Variants in CETN3 observed in about 807,000 individuals in gnomAD.
CETN3 encodes centrin 3.
CETN3 carries 17 observed loss-of-function variants against 20.1 expected under a neutral mutation model. That is an observed-to-expected ratio of 0.85 (90% CI 0.58 to 1.27). The LOEUF (loss-of-function observed/expected upper bound fraction) is 1.27. CETN3 is among the 50% of genes most tolerant of loss of function. CETN3 has a pLI of 0.00. For missense variants in CETN3, 169 were observed against 191.2 expected, an observed-to-expected ratio of 0.88 and a Z score of 0.69; for synonymous variants, 52 against 59.7, an observed-to-expected ratio of 0.87 and a Z score of 0.59.
Position 90,399,460 on chromosome 5 carries a change from A to T in CETN3, c.358T>A (p.Leu120Met). 6.2e-7 allele frequency: 1 copy of T among 1,613,980 alleles called. No homozygotes were observed. The highest frequency in any genetic ancestry group is 8.5e-7 in the Non-Finnish European group (1 of 1,179,920). ...CTAGCAACACGTCGCAAATTCCTCA[A>T]GCTTATTTTACCTGAATCATCATCA... ...FDDDDSGKIS[L>M]RNLRRVAREL... Residue 120 changes from leucine (L) to methionine (M), a missense_variant, in exon 4 of 5, where the codon TTG becomes ATG. Transcript: ENST00000283122.
intron 3 of CETN3, among the ~76,000 whole-genome samples, chr5:90,401,060 C>A (rs1354645663): frequency 6.6e-6 from 1 of 152,098 alleles, no homozygotes; most frequent in African/African-American, 2.4e-5. Flanking sequence ...AAGCAGCTTG[C>A]TGAAAGTATT....
At position 90,396,459 on chromosome 5, in the gene CETN3, T is replaced by G. The variant is rs1335972031; in HGVS notation, c.461-2352A>C. On this transcript the variant is annotated intron_variant, in intron 4 of 4. Coordinates refer to ENST00000283122, the MANE Select transcript of CETN3 (RefSeq NM_004365.4). ...CTTTCCAATAAATACAGTTCAAATATATAAAATTATTAATCAGTTTAGCCA... is the reference window on the plus strand; with the variant it reads ...CTTTCCAATAAATACAGTTCAAATAGATAAAATTATTAATCAGTTTAGCCA... 10 of 1,524,252 alleles carry G rather than the reference T, an allele frequency of 6.6e-6. No individual in the cohort carries two copies. In the African/African-American group the frequency reaches 1.4e-4, roughly 21 times the overall value. 94.4% of individuals were successfully genotyped at this position (1,524,252 alleles called of 1,614,324 possible).
intron 4 of CETN3, chr5:90,396,453 C>T (rs1181956759): frequency 2.6e-6 from 4 of 1,521,186 alleles, no homozygotes; most frequent in East Asian, 2.5e-5. Flanking sequence ...AAATACAGTT[C>T]AAATATATAA....
chr5:90,409,484 C>T (rs542067230), intron 1 of CETN3, among the ~76,000 whole-genome samples, 161 bp downstream of exon 1: 12 of 152,308 alleles, frequency 7.9e-5, no homozygotes, highest in African/African-American at 2.9e-4. Flanking sequence ...CATCAGAGCC[C>T]AGAGGGTGAG....
intron 1 of CETN3, among the ~76,000 whole-genome samples, chr5:90,409,279 G>A (rs1204320084): frequency 2.6e-5 from 4 of 152,188 alleles, no homozygotes; most frequent in African/African-American, 4.8e-5. Flanking sequence ...AGCAGCCGAG[G>A]TGGGGCCCTG....
At chr5:90,401,991 G>A (rs1026754975) in intron 3 of CETN3, among the ~76,000 whole-genome samples, 3 of 152,116 alleles carry the variant, frequency 2.0e-5, no homozygotes, top group Admixed American at 2.0e-4. Context: ...TGGGACTACA[G>A]GCATGTGCCA....
At chr5:90,401,485 T>C (rs929906055) in intron 3 of CETN3, among the ~76,000 whole-genome samples, 1 of 152,206 alleles carries the variant, frequency 6.6e-6, no homozygotes, top group Admixed American at 6.5e-5. Flanking sequence ...ACACATACTA[T>C]CAGAAATGTA....
rs570703997 is a variant in CETN3, at chr5:90,393,928, T to C, written c.*136A>G. The C allele has an allele frequency of 2.0e-5, 13 of 634,758 alleles. No individual in the cohort carries two copies. Among genetic ancestry groups the C allele is most frequent in the Admixed American group, 3.1e-5 (1 of 31,806 alleles). 39.3% of individuals were successfully genotyped at this position (634,758 alleles called of 1,614,324 possible). A position where few individuals can be genotyped will look rare whatever the true frequency, so the allele number is the denominator to read the frequency against. ...ACAAAGAAACTTAACAGTAGTAAAA[T>C]ACAGATATATAAGATGCTTATTTTT... On this transcript the variant is annotated 3_prime_UTR_variant, in exon 5 of 5. Transcript: ENST00000283122.
At chr5:90,401,148 C>T (rs1415490349) in intron 3 of CETN3, among the ~76,000 whole-genome samples, 1 of 152,096 alleles carries the variant, frequency 6.6e-6, no homozygotes, top group Non-Finnish European at 1.5e-5. Context: ...CCCACTGGTA[C>T]TTTAATTGTG....
intron 3 of CETN3, among the ~76,000 whole-genome samples, chr5:90,404,693 T>A (rs1028026354): frequency 3.9e-5 from 6 of 152,154 alleles, no homozygotes; most frequent in African/African-American, 1.4e-4. Flanking sequence ...ACTAATGACA[T>A]GAATCTAAAT....
Position 90,393,113 on chromosome 5 carries a change from C to G in CETN3, c.*951G>C, listed in dbSNP as rs1191326445. ...GATCTCCATAACCACTTGTTTCCCCCTAACATACACTTCTACAAGGCAGAA... is the reference window on the plus strand; with the variant it reads ...GATCTCCATAACCACTTGTTTCCCCGTAACATACACTTCTACAAGGCAGAA... On this transcript the variant is annotated 3_prime_UTR_variant, in exon 5 of 5. Coordinates refer to ENST00000283122, the MANE Select transcript of CETN3 (RefSeq NM_004365.4). 1.3e-5 allele frequency: 2 copies of G among 152,122 alleles called. No homozygotes were observed. Among genetic ancestry groups the G allele is most frequent in the African/African-American group, 4.8e-5 (2 of 41,410 alleles). The allele number at this position is 152,122 out of a possible 1,614,324, so 9.4% of individuals were successfully genotyped here. A position where few individuals can be genotyped will look rare whatever the true frequency, so the allele number is the denominator to read the frequency against.
At chr5:90,398,930 G>A (rs1749208160) in intron 4 of CETN3, 1 of 259,846 alleles carries the variant, frequency 3.8e-6, no homozygotes, top group Non-Finnish European at 7.4e-6. Flanking sequence ...ACTGCACCCA[G>A]TAGGCAGCCA....
At chr5:90,397,524 T>C (rs1310103096) in intron 4 of CETN3, among the ~76,000 whole-genome samples, 5 of 152,114 alleles carry the variant, frequency 3.3e-5, no homozygotes, top group Non-Finnish European at 7.4e-5. Context: ...ACTAAGTAGA[T>C]TAAGTACCTT....
At chr5:90,409,028 C>G (rs1207465545) in intron 1 of CETN3, among the ~76,000 whole-genome samples, 2 of 151,904 alleles carry the variant, frequency 1.3e-5, no homozygotes, top group African/African-American at 4.8e-5. Context: ...TTCGGAGTGT[C>G]GTAAGTGTAT....
At position 90,395,177 on chromosome 5, in the gene CETN3, T is replaced by C. The variant is rs186008947; in HGVS notation, c.461-1070A>G. Among the ~76,000 whole-genome samples the C allele has an allele frequency of 3.4e-4, 52 of 152,282 alleles. 1 individual carries two copies. In the East Asian group the frequency reaches 8.7e-3, roughly 25 times the overall value. ...CTTATTTACCATAGAAGGTATTATATGAAAATACTCCATTGAATCAAACAT... is the reference window on the plus strand; with the variant it reads ...CTTATTTACCATAGAAGGTATTATACGAAAATACTCCATTGAATCAAACAT... On this transcript the variant is annotated intron_variant, in intron 4 of 4. Transcript: ENST00000283122.
chr5:90,402,780 C>T (rs955532567), intron 3 of CETN3, among the ~76,000 whole-genome samples: 2 of 152,154 alleles, frequency 1.3e-5, no homozygotes, highest in Non-Finnish European at 2.9e-5. Flanking sequence ...GACTTCTGTC[C>T]TAGACAAAAT....
intron 1 of CETN3, 75 bp downstream of exon 1, chr5:90,409,560 GCCCCAAACGT>G: frequency 6.6e-7 from 1 of 1,518,840 alleles, no homozygotes; most frequent in Non-Finnish European, 9.1e-7. Flanking sequence ...CCTCGCCTCG[GCCCCAAACGT>G]CCTCCCTTCC....
At chr5:90,406,889 G>C (rs1024755397) in intron 2 of CETN3, among the ~76,000 whole-genome samples, 1 of 149,778 alleles carries the variant, frequency 6.7e-6, no homozygotes, top group African/African-American at 2.5e-5. Flanking sequence ...AGCCAAAGAG[G>C]ACTGCAAGAT....
Position 90,392,506 on chromosome 5 carries a change from TG to T in CETN3, c.*1557del, listed in dbSNP as rs1749043753. 6.6e-6 allele frequency: 1 copy of T among 152,134 alleles called. No homozygotes were observed. The highest frequency in any genetic ancestry group is 6.5e-5 in the Admixed American group (1 of 15,272). 9.4% of individuals were successfully genotyped at this position (152,134 alleles called of 1,614,324 possible). A position where few individuals can be genotyped will look rare whatever the true frequency, so the allele number is the denominator to read the frequency against. On this transcript the variant is annotated 3_prime_UTR_variant, in exon 5 of 5. Transcript: ENST00000283122. The stretch of plus-strand genomic sequence containing the variant: ...GAATTGTAATCCCCAGTACTGGAGG[TG>T]AGGTCTGGTGGGAGGTGATTAGATG...
Sources: allele counts gnomAD v4.1 joint callset (sites outside exome capture counted in the v4.1 genomes callset), GRCh38; gene constraint gnomAD v4.1.1; transcripts MANE v1.5; gene names NCBI Gene and HGNC (gene_info 2026-07-23, HGNC 2026-07-21).